JMJD1C: variants seen among roughly 807,000 people sequenced by gnomAD.
JMJD1C encodes jumonji domain-containing protein 1C.
Under a neutral mutation model 245.3 loss-of-function variants are expected in JMJD1C, and 31 were observed. The ratio of observed to expected loss-of-function variants is 0.13; its 90% CI spans 0.09 to 0.17. The LOEUF is 0.17. JMJD1C is among the 10% of genes least tolerant of loss of function. The probability of loss-of-function intolerance (pLI) is 1.00; values close to 1 mark genes in which losing one functional copy is unlikely to be tolerated. For synonymous variants in JMJD1C, 1,057 were observed against 1,017.4 expected (o/e 1.04, Z -0.74); for missense variants, 2,691 against 3,000.2 (o/e 0.90, Z 2.41).
intron 1 of JMJD1C, among the ~76,000 whole-genome samples, chr10:63,455,706 T>C (rs1315989853): frequency 6.6e-6 from 1 of 152,144 alleles, no homozygotes; most frequent in Non-Finnish European, 1.5e-5. Context: ...AAATCATTAT[T>C]AAATAAAACT....
rs1195219988 is a variant in JMJD1C at position 63,219,893 on chromosome 10, C to T, written c.538G>A (p.Glu180Lys). The T allele has an allele frequency of 6.2e-7, 1 of 1,612,946 alleles. No individual in the cohort carries two copies. The highest frequency in any genetic ancestry group is 2.2e-5 in the East Asian group (1 of 44,864). Residue 180 changes from glutamate (E) to lysine (K), a missense_variant, in exon 4 of 26, where the codon GAG becomes AAG. By Grantham distance (56) the Glu-to-Lys change is moderately conservative. Coordinates refer to ENST00000399262, the MANE Select transcript of JMJD1C (RefSeq NM_032776.3). ...AAATAGTTACCTTGCATAAAAATCT[C>T]CTGAACCTTTTGTTCCTTTACCCAG... ...KVWVKEQKVQ[E>K]IFMQGPYSLN... is the part of the protein sequence containing the mutation.
In JMJD1C at chr10:63,465,664, G is replaced by A. The variant is rs1953200179; in HGVS notation, c.-2C>T. On this transcript the variant is annotated 5_prime_UTR_variant, in exon 1 of 26. Coordinates refer to ENST00000399262, the MANE Select transcript of JMJD1C (RefSeq NM_032776.3). ...CTCTGCCCGCGTCTCTACCGCCATA[G>A]CTGTCGCTGCCGAAGCGGCCGCTGC... 1.9e-6 allele frequency: 3 copies of A among 1,608,024 alleles called. No individual in the cohort carries two copies. Among genetic ancestry groups the A allele is most frequent in the Non-Finnish European group, 2.5e-6 (3 of 1,179,848 alleles).
intron 11 of JMJD1C, among the ~76,000 whole-genome samples, chr10:63,200,125 C>T (rs1845860315): frequency 6.6e-6 from 1 of 152,060 alleles, no homozygotes; most frequent in African/African-American, 2.4e-5. Flanking sequence ...TGAACTCTTG[C>T]AAGTCTACCT....
chr10:63,511,723 A>C (rs1225033562), intron 1 of JMJD1C, among the ~76,000 whole-genome samples: 1 of 152,086 alleles, frequency 6.6e-6, no homozygotes, highest in African/African-American at 2.4e-5. Flanking sequence ...TCTCAAAAAA[A>C]AAAAAATATA....
In JMJD1C at chr10:63,465,659, C is replaced by A; in HGVS notation, c.4G>T (p.Ala2Ser). Reference sequence around the variant, plus strand: ...ACCAGCTCTGCCCGCGTCTCTACCGCCATAGCTGTCGCTGCCGAAGCGGCC... The same window carrying A: ...ACCAGCTCTGCCCGCGTCTCTACCGACATAGCTGTCGCTGCCGAAGCGGCC... M[A>S]VETRAELVGK... Residue 2 changes from alanine (A) to serine (S), a missense_variant, in exon 1 of 26, where the codon GCG becomes TCG. Ala to Ser is a moderately conservative substitution (Grantham distance 99). This residue lies in a region of JMJD1C where 135 missense variants were observed against 115.5 expected (regional missense o/e 1.17). Transcript: ENST00000399262. 1 of 1,608,712 alleles carries A rather than the reference C, an allele frequency of 6.2e-7. No individual in the cohort carries two copies. The highest frequency in any genetic ancestry group is 8.5e-7 in the Non-Finnish European group (1 of 1,179,874).
At chr10:63,451,848 T>G (rs1428879576) in intron 1 of JMJD1C, among the ~76,000 whole-genome samples, 1 of 152,180 alleles carries the variant, frequency 6.6e-6, no homozygotes, top group African/African-American at 2.4e-5. Context: ...AAAAGGACAG[T>G]CTTTTCAATA....
intron 2 of JMJD1C, among the ~76,000 whole-genome samples, chr10:63,332,681 T>A (rs1028183551): frequency 1.3e-5 from 2 of 152,256 alleles, no homozygotes; most frequent in Non-Finnish European, 2.9e-5. Context: ...TCAATGATGA[T>A]AATTATCAAT....
intron 3 of JMJD1C, among the ~76,000 whole-genome samples, chr10:63,254,573 C>G (rs759588560): frequency 1.3e-5 from 2 of 152,180 alleles, no homozygotes; most frequent in South Asian, 4.1e-4. Context: ...AAGAGTCTCA[C>G]TTTGTCACCC....
chr10:63,303,822 G>A (rs1860373240), intron 2 of JMJD1C, among the ~76,000 whole-genome samples: 1 of 152,086 alleles, frequency 6.6e-6, no homozygotes, highest in African/African-American at 2.4e-5. Context: ...GCCCCAGAAA[G>A]CCATTAATAA....
At chr10:63,276,241 C>T (rs1304626425) in intron 2 of JMJD1C, among the ~76,000 whole-genome samples, 3 of 151,924 alleles carry the variant, frequency 2.0e-5, no homozygotes, top group African/African-American at 7.3e-5. Flanking sequence ...CCGAGGCGGG[C>T]AGATCACAAG....
intron 2 of JMJD1C, among the ~76,000 whole-genome samples, chr10:63,351,077 TTTC>T (rs1403774595): frequency 6.6e-6 from 1 of 151,360 alleles, no homozygotes; most frequent in Non-Finnish European, 1.5e-5. Context: ...AACAGAAATT[TTTC>T]TTTTTTTTTT....
intron 1 of JMJD1C, among the ~76,000 whole-genome samples, chr10:63,418,230 T>G (rs1256392312): frequency 6.6e-6 from 1 of 152,180 alleles, no homozygotes; most frequent in Non-Finnish European, 1.5e-5. Flanking sequence ...ATAATTTGCA[T>G]TTCAAACAAA....
intron 3 of JMJD1C, among the ~76,000 whole-genome samples, chr10:63,237,177 A>G (rs1403269666): frequency 6.6e-6 from 1 of 152,044 alleles, no homozygotes; most frequent in South Asian, 2.1e-4. Context: ...AGCTGGGATT[A>G]CAGGTGCCTG....
intron 2 of JMJD1C, among the ~76,000 whole-genome samples, chr10:63,350,842 A>T (rs1019482677): frequency 7.2e-5 from 11 of 151,906 alleles, no homozygotes; most frequent in Non-Finnish European, 1.6e-4. Context: ...GATGGTCTCG[A>T]TCTCCTGACC....
chr10:63,478,249 C>T (rs1234298925), intron 1 of JMJD1C, among the ~76,000 whole-genome samples: 1 of 152,204 alleles, frequency 6.6e-6, no homozygotes, highest in Non-Finnish European at 1.5e-5. Context: ...ATATACTTTT[C>T]ATATGACCCA....
chr10:63,313,538 T>C (rs1939523670), intron 2 of JMJD1C, among the ~76,000 whole-genome samples: 1 of 152,202 alleles, frequency 6.6e-6, no homozygotes, highest in African/African-American at 2.4e-5. Flanking sequence ...ATATTAGTCA[T>C]ACTAGTTTAC....
Position 63,213,790 on chromosome 10 carries a change from G to C in JMJD1C, c.2377C>G (p.Pro793Ala). The C allele has an allele frequency of 6.2e-7, 1 of 1,614,022 alleles. No homozygotes were observed. The highest frequency in any genetic ancestry group is 1.1e-5 in the South Asian group (1 of 91,072). ...GGTAACACAGTGGGAAGTAAATGAG[G>C]GTGATGAACAGCATGGTGTGGACCA... ...TSGPHHAVHH[P>A]HLLPTVLPGV... The change falls in exon 8 of 26, where the codon CCT (proline) becomes GCT (alanine). Residue 793 changes from proline to alanine, a missense_variant. Pro to Ala is a conservative substitution (Grantham distance 27, BLOSUM62 -1). Around this residue, in one of 9 missense-constraint regions of JMJD1C, gnomAD observed 1,562 missense variants for 1,490.7 expected, o/e 1.05. Transcript: ENST00000399262.
At chr10:63,184,842 A>G (rs1843929782) in intron 20 of JMJD1C, 104 bp from the exon 21 acceptor site, 3 of 1,038,066 alleles carry the variant, frequency 2.9e-6, no homozygotes, top group African/African-American at 1.6e-5. Flanking sequence ...CTACCTTTCC[A>G]TAAGACAGGT....
At chr10:63,416,459 G>A (rs1162862410) in intron 1 of JMJD1C, among the ~76,000 whole-genome samples, 2 of 151,600 alleles carry the variant, frequency 1.3e-5, no homozygotes, top group African/African-American at 2.4e-5. Context: ...ATATTTTAGA[G>A]AGCATGTGAT....
Sources: allele counts gnomAD v4.1 joint callset (sites outside exome capture counted in the v4.1 genomes callset), GRCh38; gene constraint gnomAD v4.1.1; regional missense constraint gnomAD v4.1.1; transcripts MANE v1.5; gene names NCBI Gene and HGNC (gene_info 2026-07-23, HGNC 2026-07-21).